AFDN: variants seen among roughly 807,000 people sequenced by gnomAD.
The protein encoded by AFDN is afadin.
Under a neutral mutation model 216.6 loss-of-function variants are expected in AFDN, and 68 were observed. The observed-to-expected ratio is 0.31, with a 90% CI of 0.26 to 0.38. AFDN has a LOEUF of 0.38. Ranked by LOEUF, AFDN falls within the 10% of genes least tolerant of loss-of-function variation. The probability of loss-of-function intolerance (pLI) is 1.00; values close to 1 mark genes in which losing one functional copy is unlikely to be tolerated. For missense variants in AFDN, 2,136 were observed against 2,342.0 expected (o/e 0.91, Z 1.82); for synonymous variants, 868 against 853.7 (o/e 1.02, Z -0.29).
intron 6 of AFDN, among the ~76,000 whole-genome samples, chr6:167,883,523 T>C (rs1786408007): frequency 6.6e-6 from 1 of 152,186 alleles, no homozygotes; most frequent in Non-Finnish European, 1.5e-5. Context: ...CTCAGAGATG[T>C]TGCAGGTTCG....
At chr6:167,928,448 G>A (rs1792849114) in intron 23 of AFDN, among the ~76,000 whole-genome samples, 1 of 152,250 alleles carries the variant, frequency 6.6e-6, no homozygotes, top group African/African-American at 2.4e-5. Flanking sequence ...CAAGGTGCCA[G>A]CCCCAGTGTC....
rs780570077 is a variant in AFDN at position 167,951,497 on chromosome 6, C to T, written c.4143C>T (p.His1381=). 1.9e-5 allele frequency: 31 copies of T among 1,614,066 alleles called. No individual in the cohort carries two copies. The highest frequency in any genetic ancestry group is 2.5e-5 in the Non-Finnish European group (30 of 1,180,020). The change falls in exon 30 of 34, where the codon CAC becomes CAT. Residue 1381 remains histidine, a synonymous_variant. Coordinates refer to ENST00000683244, the MANE Select transcript of AFDN (RefSeq NM_001386888.1). The surrounding 1 kb of genome is among the most constrained non-coding windows in gnomAD (Gnocchi z 7.1). ...LPPPPPPPPV[H]YAGDFDGMSM... ...CGCCACCCCCGCCACCTCCAGTCCA[C>T]TATGCCGGTGATTTCGATGGAATGT...
At chr6:167,915,532 C>T (rs1790945433) in intron 19 of AFDN, 99 bp downstream of exon 19, 3 of 1,388,916 alleles carry the variant, frequency 2.2e-6, no homozygotes, top group Non-Finnish European at 2.9e-6. Context: ...CCTCAATACC[C>T]TCTTTTTGGG....
Position 167,951,841 on chromosome 6 carries a change from C to A in AFDN, c.4487C>A (p.Thr1496Lys). 6.2e-7 allele frequency: 1 copy of A among 1,614,142 alleles called. No homozygotes were observed. Among genetic ancestry groups the A allele is most frequent in the Non-Finnish European group, 8.5e-7 (1 of 1,180,026 alleles). Residue 1496 changes from threonine (T) to lysine (K), a missense_variant, in exon 30 of 34, where the codon ACG becomes AAG. This residue lies in a region of AFDN where 981 missense variants were observed against 966.0 expected (regional missense o/e 1.02). Coordinates refer to ENST00000683244, the MANE Select transcript of AFDN (RefSeq NM_001386888.1). The surrounding 1 kb of genome is among the most constrained non-coding windows in gnomAD (Gnocchi z 7.1). ...CTGCAGCCTCAGCAGCAGCCCCGCA[C>A]GATCGAGCGCAGAGACTTGCAGTAC... ...RELQPQQQPR[T>K]IERRDLQYIT...
intron 30 of AFDN, among the ~76,000 whole-genome samples, chr6:167,955,501 A>G (rs1461944541): frequency 6.6e-6 from 1 of 152,040 alleles, no homozygotes; most frequent in Non-Finnish European, 1.5e-5. Flanking sequence ...GAAGATATTG[A>G]TCAGAGTCAC....
At chr6:167,845,778 T>C (rs1019989012) in intron 1 of AFDN, among the ~76,000 whole-genome samples, 2 of 152,196 alleles carry the variant, frequency 1.3e-5, no homozygotes, top group Admixed American at 6.5e-5. Flanking sequence ...CAAAATATCT[T>C]AGTGTATTAG....
At chr6:167,893,937 C>A in intron 9 of AFDN, 31 bp downstream of exon 9, 7 of 1,491,304 alleles carry the variant, frequency 4.7e-6, no homozygotes, top group Non-Finnish European at 6.4e-6. Flanking sequence ...ACTTTTATAA[C>A]TAAAGCACTA....
intron 3 of AFDN, 60 bp from the exon 4 acceptor site, chr6:167,872,154 T>C: frequency 6.6e-7 from 1 of 1,521,568 alleles, no homozygotes; most frequent in Non-Finnish European, 8.9e-7. Context: ...ACCTAAGCCG[T>C]AGGCAATTTT....
At chr6:167,907,902 C>T (rs1013035874) in intron 13 of AFDN, among the ~76,000 whole-genome samples, 2 of 151,914 alleles carry the variant, frequency 1.3e-5, no homozygotes, top group African/African-American at 4.8e-5. Context: ...CTTGTGACCT[C>T]TAGAATTATT....
chr6:167,875,057 T>C (rs1354385177), intron 4 of AFDN, among the ~76,000 whole-genome samples: 2 of 152,228 alleles, frequency 1.3e-5, no homozygotes, highest in African/African-American at 2.4e-5. Flanking sequence ...GTATAATCAA[T>C]ATATTTTTCT....
chr6:167,926,192 A>T (rs2128521735), intron 23 of AFDN, among the ~76,000 whole-genome samples: 1 of 152,350 alleles, frequency 6.6e-6, no homozygotes, highest in Non-Finnish European at 1.5e-5. Context: ...TGTGATTTTT[A>T]AAAGCTTTCA....
chr6:167,852,290 C>G (rs1312203038), intron 1 of AFDN, among the ~76,000 whole-genome samples: 1 of 152,202 alleles, frequency 6.6e-6, no homozygotes, highest in Non-Finnish European at 1.5e-5. Context: ...ACTTCTCCTA[C>G]ATCTCTTTTA....
intron 1 of AFDN, among the ~76,000 whole-genome samples, chr6:167,847,019 C>A (rs34049558): frequency 0.57 from 86,912 of 152,034 alleles, 25,843 homozygotes; most frequent in African/African-American, 0.67. Context: ...AATTTTAAAG[C>A]TGAAAGTTAA....
At chr6:167,893,553 C>A in intron 8 of AFDN, 1 of 295,702 alleles carries the variant, frequency 3.4e-6, no homozygotes, top group Non-Finnish European at 6.5e-6. Context: ...AGAAATCAGC[C>A]CAGTGGGGTG....
chr6:167,920,070 C>G (rs1168635472), intron 21 of AFDN, among the ~76,000 whole-genome samples: 1 of 152,140 alleles, frequency 6.6e-6, no homozygotes, highest in Admixed American at 6.5e-5. Context: ...TGAGCCTTTC[C>G]AAAAGGTGCT....
rs78967307 is a variant in AFDN at position 167,952,047 on chromosome 6, C to T, written c.4693C>T (p.Arg1565Cys). The T allele has an allele frequency of 5.0e-6, 8 of 1,612,066 alleles. No individual in the cohort carries two copies. Among genetic ancestry groups the T allele is most frequent in the South Asian group, 1.1e-5 (1 of 91,094 alleles). ...DRSAEESDRL[R>C]KLMLEWQFQK... ...CAGCGCCGAGGAGAGCGACCGGCTG[C>T]GCAAGCTCATGCTGGAGTGGCAGTT... Residue 1565 changes from arginine to cysteine, a missense_variant, in exon 30 of 34, where the codon CGC becomes TGC. By Grantham distance (180) the Arg-to-Cys change is radical. Around this residue, in one of 8 missense-constraint regions of AFDN, gnomAD observed 981 missense variants for 966.0 expected, o/e 1.02. Transcript: ENST00000683244.
At chr6:167,844,505 G>A (rs1183405469) in intron 1 of AFDN, among the ~76,000 whole-genome samples, 1 of 151,978 alleles carries the variant, frequency 6.6e-6, no homozygotes, top group East Asian at 1.9e-4. Context: ...AACTATTAAT[G>A]AACACTTTGA....
chr6:167,915,051 A>T (rs895356226), intron 18 of AFDN, 117 bp from the exon 19 acceptor site: 1 of 1,046,124 alleles, frequency 9.6e-7, no homozygotes, highest in Admixed American at 2.3e-5. Context: ...TGATATTTTT[A>T]AAGTAATTAA....
chr6:167,918,373 A>G (rs1222350483), intron 20 of AFDN, among the ~76,000 whole-genome samples: 2 of 152,218 alleles, frequency 1.3e-5, no homozygotes, highest in Non-Finnish European at 2.9e-5. Context: ...ATTCTATACA[A>G]ATATAGTTAT....
Sources: gnomAD v4.1 joint callset for allele counts (sites outside exome capture counted in the v4.1 genomes callset) on GRCh38, gnomAD v4.1.1 for gene constraint, gnomAD v4.1.1 regional missense constraint, Gnocchi (gnomAD v3.1) non-coding constraint, MANE v1.5 for transcripts, NCBI Gene and HGNC (gene_info 2026-07-23, HGNC 2026-07-21) for gene names.